SAMD4A: variants seen among roughly 807,000 people sequenced by gnomAD.
The protein encoded by SAMD4A is protein Smaug homolog 1.
SAMD4A carries 33 observed loss-of-function variants against 81.3 expected under a neutral mutation model. The ratio of observed to expected loss-of-function variants is 0.41; its 90% CI spans 0.31 to 0.54. The LOEUF (loss-of-function observed/expected upper bound fraction) is 0.54. SAMD4A is among the 20% of genes least tolerant of loss of function. SAMD4A has a pLI of 0.37. For synonymous variants in SAMD4A, 389 were observed against 382.1 expected (o/e 1.02, Z -0.21); for missense variants, 854 against 951.1 (o/e 0.90, Z 1.34).
At chr14:54,774,286 G>A (rs1249492671) in intron 9 of SAMD4A, among the ~76,000 whole-genome samples, 2 of 152,228 alleles carry the variant, frequency 1.3e-5, no homozygotes, top group African/African-American at 4.8e-5. Flanking sequence ...GTTGTTGCAA[G>A]GATCGAAAAA....
intron 2 of SAMD4A, among the ~76,000 whole-genome samples, chr14:54,673,364 C>T (rs1051856680): frequency 1.3e-5 from 2 of 152,328 alleles, no homozygotes; most frequent in Non-Finnish European, 2.9e-5. Flanking sequence ...TCCTACCTTG[C>T]ACCAAAAGTC....
chr14:54,679,489 AG>A (rs1264374636), intron 2 of SAMD4A, among the ~76,000 whole-genome samples: 1 of 152,254 alleles, frequency 6.6e-6, no homozygotes, highest in Non-Finnish European at 1.5e-5. Context: ...GCGGGATGCC[AG>A]GCAAAGACCA....
At chr14:54,602,779 T>C (rs1161694702) in intron 2 of SAMD4A, among the ~76,000 whole-genome samples, 2 of 142,828 alleles carry the variant, frequency 1.4e-5, no homozygotes, top group African/African-American at 5.4e-5. Flanking sequence ...ACATGTACCC[T>C]AGAACTTAAA....
intron 9 of SAMD4A, among the ~76,000 whole-genome samples, chr14:54,773,541 G>A (rs1272868209): frequency 2.6e-5 from 4 of 152,384 alleles, no homozygotes. Context: ...AGGCGTGTCA[G>A]AGAGGATGCG....
chr14:54,670,129 C>G (rs2035848361), intron 2 of SAMD4A, among the ~76,000 whole-genome samples: 1 of 152,168 alleles, frequency 6.6e-6, no homozygotes, highest in Non-Finnish European at 1.5e-5. Context: ...TTAGTTCTCG[C>G]TCTGCCTGTC....
intron 2 of SAMD4A, among the ~76,000 whole-genome samples, chr14:54,629,095 G>A (rs2034834217): frequency 6.7e-6 from 1 of 148,406 alleles, no homozygotes; most frequent in Admixed American, 6.8e-5. Context: ...ATGTGACTGG[G>A]TATCCCTATA....
At chr14:54,673,507 C>T (rs1326901813) in intron 2 of SAMD4A, among the ~76,000 whole-genome samples, 1 of 152,230 alleles carries the variant, frequency 6.6e-6, no homozygotes, top group East Asian at 1.9e-4. Flanking sequence ...AGCGGGCTGC[C>T]TGCTGCTTTT....
At chr14:54,763,962 T>C (rs958097667) in intron 7 of SAMD4A, among the ~76,000 whole-genome samples, 27 of 152,162 alleles carry the variant, frequency 1.8e-4, no homozygotes, top group Non-Finnish European at 5.9e-5. Flanking sequence ...CTCCTGCACA[T>C]GTGCACACCC....
At chr14:54,675,163 C>G (rs574001662) in intron 2 of SAMD4A, among the ~76,000 whole-genome samples, 15 of 151,842 alleles carry the variant, frequency 9.9e-5, no homozygotes, top group South Asian at 2.1e-4. Flanking sequence ...GTCAGGAGTT[C>G]GAGACCAGCT....
At chr14:54,699,287 G>A (rs968047712) in intron 2 of SAMD4A, among the ~76,000 whole-genome samples, 7 of 152,300 alleles carry the variant, frequency 4.6e-5, no homozygotes, top group Admixed American at 3.9e-4. Context: ...GCCTCTCAGC[G>A]CTACTTTAAA....
chr14:54,772,907 A>AACTT (rs2038743817), intron 9 of SAMD4A, among the ~76,000 whole-genome samples: 1 of 152,158 alleles, frequency 6.6e-6, no homozygotes, highest in Admixed American at 6.5e-5. Context: ...CATCATGTGA[A>AACTT]ACTTATTCTA....
At chr14:54,703,022 T>C (rs2036760060) in intron 3 of SAMD4A, 1 of 155,692 alleles carries the variant, frequency 6.4e-6, no homozygotes, top group Non-Finnish European at 1.4e-5. Flanking sequence ...TTTTTTCCTC[T>C]TTCTTTCTCT....
At chr14:54,765,459 C>CGAAAA (rs1555352316) in intron 8 of SAMD4A, among the ~76,000 whole-genome samples, 6 of 97,574 alleles carry the variant, frequency 6.1e-5, no homozygotes, top group Non-Finnish European at 1.1e-4. Context: ...CCTGTCACTA[C>CGAAAA]GAAAAAAAAA....
chr14:54,668,496 A>G (rs1449768737), intron 2 of SAMD4A, among the ~76,000 whole-genome samples: 2 of 152,220 alleles, frequency 1.3e-5, no homozygotes, highest in Non-Finnish European at 2.9e-5. Context: ...TAATGACAGT[A>G]TTGGGACCAG....
intron 2 of SAMD4A, among the ~76,000 whole-genome samples, chr14:54,669,312 T>C (rs1297578983): frequency 2.0e-5 from 3 of 152,310 alleles, no homozygotes; most frequent in African/African-American, 7.2e-5. Context: ...CCTGAGCACC[T>C]GCTTTCCACG....
At chr14:54,709,871 A>G (rs140100792) in intron 3 of SAMD4A, among the ~76,000 whole-genome samples, 1 of 152,266 alleles carries the variant, frequency 6.6e-6, no homozygotes, top group East Asian at 1.9e-4. Flanking sequence ...AAGAATAAGT[A>G]TTTCCTGGCT....
chr14:54,664,143 T>C (rs2035704587), intron 2 of SAMD4A, among the ~76,000 whole-genome samples: 1 of 152,224 alleles, frequency 6.6e-6, no homozygotes, highest in Non-Finnish European at 1.5e-5. Context: ...TCTAGGCAGA[T>C]TCTGTGGTCA....
At chr14:54,778,303 G>A (rs538186131) in intron 11 of SAMD4A, among the ~76,000 whole-genome samples, 6 of 152,336 alleles carry the variant, frequency 3.9e-5, no homozygotes, top group South Asian at 2.1e-4. Context: ...GTCCCGGAGC[G>A]CTTCGGGTTT....
chr14:54,588,726 AT>A (rs1328364389), intron 2 of SAMD4A, among the ~76,000 whole-genome samples: 3 of 151,592 alleles, frequency 2.0e-5, no homozygotes, highest in Admixed American at 6.6e-5. Context: ...AGTAGTTTTT[AT>A]TTTTTCTTCT....
Sources: gnomAD v4.1 joint callset for allele counts (sites outside exome capture counted in the v4.1 genomes callset) on GRCh38, gnomAD v4.1.1 for gene constraint, MANE v1.5 for transcripts, NCBI Gene and HGNC (gene_info 2026-07-23, HGNC 2026-07-21) for gene names.